The following THBS4 variants were observed in gnomAD, a reference collection of about 807,000 sequenced individuals.
The protein encoded by THBS4 is thrombospondin 4, also known as thrombospondin-4.
Under a neutral mutation model 115.7 loss-of-function variants are expected in THBS4, and 90 were observed. The observed-to-expected ratio is 0.78, with a 90% CI of 0.66 to 0.93. The LOEUF (loss-of-function observed/expected upper bound fraction) is 0.93, where lower values mean the gene tolerates loss of function less well. Among genes scored for constraint, THBS4 ranks in the 40% least tolerant of loss-of-function variants. The pLI is 0.00. For missense variants in THBS4, 1,087 were observed against 1,232.7 expected, an observed-to-expected ratio of 0.88 and a Z score of 1.77; for synonymous variants, 460 against 479.3, an observed-to-expected ratio of 0.96 and a Z score of 0.53.
chr5:80,062,856 A>T (rs887205725), intron 8 of THBS4, among the ~76,000 whole-genome samples: 1 of 152,246 alleles, frequency 6.6e-6, no homozygotes, highest in Non-Finnish European at 1.5e-5. Context: ...CCTACAAAGG[A>T]CATGAACTCA....
chr5:80,059,923 C>A lies in THBS4; in HGVS notation c.987+18C>A, dbSNP rs1277974324. The A allele has an allele frequency of 6.2e-7, 1 of 1,609,402 alleles. No individual in the cohort carries two copies. The stretch of plus-strand genomic sequence containing the variant: ...TTGATGAGGTAAAAGTTCACTTAGA[C>A]TGGGAGGGGATCCCTAAGTATCCTC... On this transcript the variant is annotated intron_variant, in intron 7 of 21. Transcript: ENST00000350881.
intron 1 of THBS4, among the ~76,000 whole-genome samples, chr5:79,994,323 T>C (rs1171087790): frequency 6.6e-6 from 1 of 152,166 alleles, no homozygotes; most frequent in Non-Finnish European, 1.5e-5. Flanking sequence ...CAGTTTTGGC[T>C]TCAGAGTTTA....
intron 2 of THBS4, among the ~76,000 whole-genome samples, chr5:80,021,160 A>G (rs1287366358): frequency 6.6e-6 from 1 of 152,124 alleles, no homozygotes; most frequent in Non-Finnish European, 1.5e-5. Flanking sequence ...TTCTCGAAAT[A>G]TGGTCTGAGG....
chr5:80,018,099 C>A (rs1832285776), intron 2 of THBS4, among the ~76,000 whole-genome samples: 1 of 152,102 alleles, frequency 6.6e-6, no homozygotes, highest in African/African-American at 2.4e-5. Context: ...CATCTTTCAG[C>A]AATTCTGAAA....
intron 5 of THBS4, 92 bp downstream of exon 5, chr5:80,058,882 G>A: frequency 8.0e-7 from 1 of 1,252,962 alleles, no homozygotes; most frequent in Non-Finnish European, 1.1e-6. Flanking sequence ...CCAGGCACGG[G>A]GGCAGCCTCT....
At position 80,055,768 on chromosome 5, in the gene THBS4, C is replaced by G. The variant is rs1833403406; in HGVS notation, c.293-17C>G. On this transcript the variant is annotated splice_polypyrimidine_tract_variant and intron_variant, in intron 2 of 21. Transcript: ENST00000350881. Reference sequence around the variant, plus strand: ...TGCCACTTATCACACCATTGGTTGACCTGTGCTTGCTTCCAGCCATCCTCC... The same window carrying G: ...TGCCACTTATCACACCATTGGTTGAGCTGTGCTTGCTTCCAGCCATCCTCC... 1 of 1,605,184 alleles carries G rather than the reference C, an allele frequency of 6.2e-7. No individual in the cohort carries two copies. Among genetic ancestry groups the G allele is most frequent in the East Asian group, 2.2e-5 (1 of 44,726 alleles).
At chr5:80,024,888 G>A (rs2151159882) in intron 2 of THBS4, among the ~76,000 whole-genome samples, 1 of 152,342 alleles carries the variant, frequency 6.6e-6, no homozygotes, top group Non-Finnish European at 1.5e-5. Flanking sequence ...GTGCAGGCAA[G>A]TAGAAGGACA....
upstream of THBS4, among the ~76,000 whole-genome samples, chr5:80,030,460 C>T (rs555000371): frequency 3.3e-5 from 5 of 152,174 alleles, no homozygotes; most frequent in African/African-American, 7.2e-5. Flanking sequence ...CTCCACCTCC[C>T]GGGTTCAAGC....
intron 1 of THBS4, among the ~76,000 whole-genome samples, chr5:79,995,364 C>T (rs571223048): frequency 6.6e-6 from 1 of 152,142 alleles, no homozygotes. Context: ...ACTTGGCACC[C>T]TTCCGCTGAG....
At chr5:80,027,357 G>C (rs1832497609) in intron 2 of THBS4, among the ~76,000 whole-genome samples, 1 of 152,128 alleles carries the variant, frequency 6.6e-6, no homozygotes, top group African/African-American at 2.4e-5. Flanking sequence ...ACAGTGTTTA[G>C]AGCTGCAGCA....
At chr5:80,064,776 T>C (rs561206223) in intron 8 of THBS4, among the ~76,000 whole-genome samples, 1 of 152,226 alleles carries the variant, frequency 6.6e-6, no homozygotes, top group East Asian at 1.9e-4. Context: ...GAAAAACAGA[T>C]AAGTTTGTAA....
intron 1 of THBS4, among the ~76,000 whole-genome samples, chr5:80,036,855 A>G (rs1036296353): frequency 2.6e-5 from 4 of 152,236 alleles, no homozygotes; most frequent in Admixed American, 6.5e-5. Flanking sequence ...TAGCCAGAGC[A>G]AAGACTGCCT....
intron 2 of THBS4, among the ~76,000 whole-genome samples, chr5:80,003,747 T>C (rs753622310): frequency 6.6e-6 from 1 of 152,242 alleles, no homozygotes; most frequent in Non-Finnish European, 1.5e-5. Flanking sequence ...TGAAATCCCA[T>C]ATCTCTGAAG....
rs370602203 is a variant in THBS4 at position 80,056,158 on chromosome 5, T to G, written c.540+126T>G. On this transcript the variant is annotated intron_variant, in intron 3 of 21. Transcript: ENST00000350881. The stretch of plus-strand genomic sequence containing the variant: ...GTCTAATGCCGCTTGCACATCAGAA[T>G]CACCTGCGGAGCTTGAAAAGCAAGT... 1.6e-4 allele frequency: 188 copies of G among 1,197,706 alleles called. No homozygotes were observed. The Middle Eastern group carries it at 3.6e-3, about 23-fold the overall frequency. The allele number at this position is 1,197,706 out of a possible 1,614,324, so 74.2% of individuals were successfully genotyped here.
intron 3 of THBS4, 40 bp from the exon 4 acceptor site, chr5:80,058,166 C>T (rs1289393786): frequency 1.3e-6 from 2 of 1,493,846 alleles, no homozygotes; most frequent in Non-Finnish European, 1.8e-6. Context: ...GGCTTTTGAA[C>T]AGTGTCAGCA....
At chr5:80,062,458 G>A (rs1410565948) in intron 8 of THBS4, among the ~76,000 whole-genome samples, 2 of 152,142 alleles carry the variant, frequency 1.3e-5, no homozygotes, top group East Asian at 3.8e-4. Flanking sequence ...CTACCTTAGG[G>A]AAATTATTAG....
At chr5:80,017,043 G>A (rs1432021613) in intron 2 of THBS4, among the ~76,000 whole-genome samples, 2 of 152,032 alleles carry the variant, frequency 1.3e-5, no homozygotes, top group Non-Finnish European at 2.9e-5. Context: ...TAAAAATCAG[G>A]ATCAAGAAAA....
intron 1 of THBS4, among the ~76,000 whole-genome samples, chr5:80,037,057 G>A (rs1440335915): frequency 6.6e-6 from 1 of 152,070 alleles, no homozygotes. Flanking sequence ...CTTCTAGGAA[G>A]GTAAAAAAGG....
At chr5:80,083,015 G>C in intron 21 of THBS4, 65 bp from the exon 22 acceptor site, 1 of 1,468,822 alleles carries the variant, frequency 6.8e-7, no homozygotes, top group Non-Finnish European at 9.5e-7. Context: ...TGAGCCGCGG[G>C]CGGGGGTCCG....
Sources: allele counts gnomAD v4.1 joint callset (sites outside exome capture counted in the v4.1 genomes callset), GRCh38; gene constraint gnomAD v4.1.1; transcripts MANE v1.5; gene names NCBI Gene and HGNC (gene_info 2026-07-23, HGNC 2026-07-21).